TBC1D22A: variants seen among roughly 807,000 people sequenced by gnomAD.
The protein encoded by TBC1D22A is TBC1 domain family member 22A, also known as putative GTPase activator.
A neutral mutation model predicts 60.2 loss-of-function variants in TBC1D22A; 38 were observed. The observed-to-expected ratio is 0.63, with a 90% CI of 0.49 to 0.83. The LOEUF is 0.83. Ranked by LOEUF, TBC1D22A falls within the 40% of genes least tolerant of loss-of-function variation. The pLI is 0.00. For missense variants in TBC1D22A, 628 were observed against 701.0 expected, an observed-to-expected ratio of 0.90 and a Z score of 1.18; for synonymous variants, 302 against 281.7, an observed-to-expected ratio of 1.07 and a Z score of -0.72.
chr22:47,124,853 C>T (rs555231740), intron 12 of TBC1D22A, among the ~76,000 whole-genome samples: 16 of 152,122 alleles, frequency 1.1e-4, no homozygotes, highest in South Asian at 6.2e-4. Context: ...GCAGCAGTGC[C>T]GCAGGGCCAC....
intron 10 of TBC1D22A, among the ~76,000 whole-genome samples, chr22:47,025,204 A>G (rs1385936712): frequency 6.6e-6 from 1 of 152,244 alleles, no homozygotes; most frequent in Non-Finnish European, 1.5e-5. Flanking sequence ...GTGTTAGAAC[A>G]AGTAGAAAAT....
intron 8 of TBC1D22A, among the ~76,000 whole-genome samples, chr22:46,966,866 G>C (rs1025235786): frequency 6.6e-6 from 1 of 152,196 alleles, no homozygotes; most frequent in Non-Finnish European, 1.5e-5. Flanking sequence ...CTGACTGCGG[G>C]TCTGCTTGCG....
intron 1 of TBC1D22A, among the ~76,000 whole-genome samples, chr22:46,782,747 T>C (rs927827681): frequency 6.6e-6 from 1 of 152,232 alleles, no homozygotes; most frequent in Admixed American, 6.5e-5. Flanking sequence ...TGCGGCCTTT[T>C]GCGTCTCTCA....
At chr22:46,764,454 C>G (rs1008113414) in intron 1 of TBC1D22A, among the ~76,000 whole-genome samples, 11 of 152,200 alleles carry the variant, frequency 7.2e-5, no homozygotes, top group African/African-American at 2.7e-4. Flanking sequence ...AACTCTAATT[C>G]TTAATCAGCT....
At chr22:47,164,445 G>A (rs1456896568) in intron 12 of TBC1D22A, among the ~76,000 whole-genome samples, 2 of 152,196 alleles carry the variant, frequency 1.3e-5, no homozygotes, top group Non-Finnish European at 2.9e-5. Context: ...GCTCCTCCTA[G>A]GGAGGTTTTT....
At chr22:46,791,080 T>G (rs2084384946) in intron 1 of TBC1D22A, among the ~76,000 whole-genome samples, 1 of 152,192 alleles carries the variant, frequency 6.6e-6, no homozygotes, top group Non-Finnish European at 1.5e-5. Flanking sequence ...AGACAGGGTC[T>G]CACTGTGTAA....
rs112252152 is a variant in TBC1D22A at position 47,150,221 on chromosome 22, G to A, written c.1426-23277G>A. ...AGTGGCAGCCACAGTCCGGAGCACC[G>A]CCACGCCCATTCAGGCAAAGCAGGA... On this transcript the variant is annotated intron_variant, in intron 12 of 12. Coordinates refer to ENST00000337137, the MANE Select transcript of TBC1D22A (RefSeq NM_014346.5). 1.9e-3 allele frequency among the ~76,000 whole-genome samples: 282 copies of A among 152,218 alleles called. 2 individuals are homozygous for A. The highest frequency in any genetic ancestry group is 6.1e-3 in the African/African-American group (253 of 41,538).
chr22:46,827,566 G>A (rs1478642735), intron 4 of TBC1D22A, among the ~76,000 whole-genome samples: 1 of 152,180 alleles, frequency 6.6e-6, no homozygotes, highest in African/African-American at 2.4e-5. Flanking sequence ...GTATCAAAAC[G>A]AGTCCTGGCC....
intron 10 of TBC1D22A, among the ~76,000 whole-genome samples, chr22:47,013,301 C>T (rs1246970055): frequency 2.6e-5 from 4 of 152,130 alleles, no homozygotes; most frequent in Admixed American, 6.5e-5. Context: ...CTCCCTGGCT[C>T]ATGATCCAGC....
intron 11 of TBC1D22A, among the ~76,000 whole-genome samples, chr22:47,039,977 C>G (rs968693879): frequency 7.7e-6 from 1 of 129,566 alleles, no homozygotes; most frequent in African/African-American, 3.1e-5. Flanking sequence ...CAGAGTCTCA[C>G]TCTGTTGTCC....
chr22:47,071,749 C>A (rs77227654), intron 11 of TBC1D22A, among the ~76,000 whole-genome samples: 2,661 of 152,220 alleles, frequency 0.017, 82 homozygotes, highest in African/African-American at 0.062. Flanking sequence ...AAGAAATGAG[C>A]CAGTCCTAAT....
chr22:46,929,723 C>T (rs111273289), intron 8 of TBC1D22A, among the ~76,000 whole-genome samples: 4 of 146,908 alleles, frequency 2.7e-5, no homozygotes, highest in Non-Finnish European at 6.0e-5. Context: ...TGTGCGTGTG[C>T]GTGTGTGCAT....
At chr22:46,816,195 T>C (rs1016576933) in intron 4 of TBC1D22A, among the ~76,000 whole-genome samples, 2 of 152,166 alleles carry the variant, frequency 1.3e-5, no homozygotes, top group African/African-American at 2.4e-5. Flanking sequence ...CTCCTCTGCC[T>C]GCGGTGCTGT....
At chr22:46,816,364 C>G (rs1399109403) in intron 4 of TBC1D22A, among the ~76,000 whole-genome samples, 1 of 152,196 alleles carries the variant, frequency 6.6e-6, no homozygotes, top group African/African-American at 2.4e-5. Context: ...TAAGCTCTGC[C>G]TGGAGCTGTG....
chr22:46,987,918 G>A (rs572335914), intron 9 of TBC1D22A, among the ~76,000 whole-genome samples: 1 of 152,270 alleles, frequency 6.6e-6, no homozygotes, highest in South Asian at 2.1e-4. Flanking sequence ...CAAAACCCCG[G>A]TCAGTTCTCC....
At chr22:46,910,698 G>A (rs906418226) in intron 7 of TBC1D22A, among the ~76,000 whole-genome samples, 5 of 152,086 alleles carry the variant, frequency 3.3e-5, no homozygotes, top group African/African-American at 1.2e-4. Flanking sequence ...AAAGAGAGTG[G>A]GGAGGGAACA....
intron 11 of TBC1D22A, among the ~76,000 whole-genome samples, chr22:47,093,606 A>T (rs948540041): frequency 2.6e-5 from 4 of 152,166 alleles, no homozygotes; most frequent in Admixed American, 2.0e-4. Flanking sequence ...TTGAATATTT[A>T]AACCAGTCAA....
chr22:46,968,758 G>A (rs1040099596), intron 8 of TBC1D22A, among the ~76,000 whole-genome samples: 2 of 152,232 alleles, frequency 1.3e-5, no homozygotes, highest in Non-Finnish European at 2.9e-5. Context: ...TTTTCTGGAT[G>A]TGGAAAGAGG....
At chr22:47,121,452 A>G (rs1455545702) in intron 12 of TBC1D22A, among the ~76,000 whole-genome samples, 1 of 152,222 alleles carries the variant, frequency 6.6e-6, no homozygotes, top group Non-Finnish European at 1.5e-5. Flanking sequence ...GGCTGGTTAT[A>G]ATGTTTCATA....
Sources: allele counts gnomAD v4.1 joint callset (sites outside exome capture counted in the v4.1 genomes callset), GRCh38; gene constraint gnomAD v4.1.1; transcripts MANE v1.5; gene names NCBI Gene and HGNC (gene_info 2026-07-23, HGNC 2026-07-21).